Variants in FAM227A observed in about 807,000 individuals in gnomAD.
FAM227A encodes the protein protein FAM227A.
In FAM227A, 80 loss-of-function variants were observed where a neutral mutation model predicts 74.7. The observed-to-expected ratio is 1.07, with a 90% CI of 0.89 to 1.29. The LOEUF is 1.29. Among genes scored for constraint, FAM227A ranks in the 50% most tolerant of loss-of-function variants. FAM227A has a pLI of 0.00. For synonymous variants in FAM227A, 237 were observed against 241.8 expected (o/e 0.98, Z 0.19); for missense variants, 654 against 683.4 (o/e 0.96, Z 0.48).
intron 11 of FAM227A, among the ~76,000 whole-genome samples, chr22:38,617,679 A>C (rs1439096795): frequency 6.6e-6 from 1 of 152,132 alleles, no homozygotes; most frequent in Non-Finnish European, 1.5e-5. Flanking sequence ...CAGGTACTAG[A>C]AGTGGGAATG....
chr22:38,595,997 G>A (rs1291308400), intron 15 of FAM227A, among the ~76,000 whole-genome samples: 1 of 151,096 alleles, frequency 6.6e-6, no homozygotes, highest in Non-Finnish European at 1.5e-5. Context: ...TACTGTTATA[G>A]ATTCAAAGAC....
intron 1 of FAM227A, among the ~76,000 whole-genome samples, chr22:38,650,893 G>A (rs1380207772): frequency 6.6e-6 from 1 of 152,132 alleles, no homozygotes; most frequent in Non-Finnish European, 1.5e-5. Flanking sequence ...TAGTGTGATA[G>A]GCCTCGTTAT....
intron 3 of FAM227A, among the ~76,000 whole-genome samples, chr22:38,645,261 C>T (rs752336497): frequency 2.0e-5 from 3 of 151,340 alleles, no homozygotes; most frequent in Admixed American, 1.3e-4. Flanking sequence ...CATGGTGGCA[C>T]GCACCTGTAG....
chr22:38,590,932 G>C (rs376192957), intron 16 of FAM227A, among the ~76,000 whole-genome samples: 2 of 151,966 alleles, frequency 1.3e-5, no homozygotes, highest in East Asian at 3.9e-4. Flanking sequence ...TTACAGGCAC[G>C]TACTGCCATG....
In FAM227A at chr22:38,597,140, T is replaced by A; in HGVS notation, c.1532+64A>T. On this transcript the variant is annotated intron_variant, in intron 15 of 16. Coordinates refer to ENST00000535113, the MANE Select transcript of FAM227A (RefSeq NM_001013647.2). Reference sequence around the variant, plus strand: ...GCCCCACCAACCCATTTAAAAATGATGATGATCGTGTGCTGCAAAAGATAA... The same window carrying A: ...GCCCCACCAACCCATTTAAAAATGAAGATGATCGTGTGCTGCAAAAGATAA... The A allele has an allele frequency of 2.0e-6, 3 of 1,481,154 alleles. No individual in the cohort carries two copies. In the Admixed American group the frequency reaches 6.0e-5, roughly 29 times the overall value. The allele number at this position is 1,481,154 out of a possible 1,614,324, so 91.8% of individuals were successfully genotyped here. A position where few individuals can be genotyped will look rare whatever the true frequency, so the allele number is the denominator to read the frequency against.
At chr22:38,596,710 G>T (rs1435501829) in intron 15 of FAM227A, among the ~76,000 whole-genome samples, 2 of 151,796 alleles carry the variant, frequency 1.3e-5, no homozygotes, top group Non-Finnish European at 2.9e-5. Context: ...CTGATGGACA[G>T]TTCAGTGTAC....
Position 38,597,270 on chromosome 22 carries a change from T to C in FAM227A, c.1466A>G (p.Gln489Arg). Reference protein sequence around the residue: ...KRKDNLNQLYQHHWTEWNYFD... With the variant: ...KRKDNLNQLYRHHWTEWNYFD... ...ATAATTCCATTCAGTCCAATGATGC[T>C]GGTACAACTGATTGAGGTTGTCTTT... The change falls in exon 15 of 17, where the codon CAG (glutamine) becomes CGG (arginine). Residue 489 changes from glutamine to arginine, a missense_variant. Gln to Arg is a conservative substitution (Grantham distance 43). Coordinates refer to ENST00000535113, the MANE Select transcript of FAM227A (RefSeq NM_001013647.2). 6.4e-7 allele frequency: 1 copy of C among 1,552,158 alleles called. No homozygotes were observed. The highest frequency in any genetic ancestry group is 8.7e-7 in the Non-Finnish European group (1 of 1,147,054).
chr22:38,589,675 C>G (rs1421840502), intron 16 of FAM227A, among the ~76,000 whole-genome samples: 1 of 152,014 alleles, frequency 6.6e-6, no homozygotes, highest in African/African-American at 2.4e-5. Context: ...AGACAGTGAC[C>G]CACAAAGCCA....
chr22:38,591,345 T>C, intron 16 of FAM227A, 90 bp downstream of exon 16: 2 of 1,467,264 alleles, frequency 1.4e-6, no homozygotes, highest in Non-Finnish European at 1.8e-6. Flanking sequence ...TAAAATAAAA[T>C]AATTATTATT....
Position 38,631,607 on chromosome 22 carries a change from G to A in FAM227A, c.520-2672C>T, listed in dbSNP as rs551037578. Among the ~76,000 whole-genome samples, 14 of 152,272 alleles carry A rather than the reference G, an allele frequency of 9.2e-5. No homozygotes were observed. In the South Asian group the frequency reaches 1.5e-3, roughly 16 times the overall value. The stretch of plus-strand genomic sequence containing the variant: ...AGAGCTCCTCAGAGACGGGGAAAGC[G>A]TGTGCAGAGGCTATGGAAGCACTTG... On this transcript the variant is annotated intron_variant, in intron 6 of 16. Transcript: ENST00000535113.
intron 12 of FAM227A, among the ~76,000 whole-genome samples, chr22:38,606,801 A>G (rs930798758): frequency 1.3e-5 from 2 of 152,138 alleles, no homozygotes; most frequent in Non-Finnish European, 2.9e-5. Context: ...CATGTCTTAA[A>G]TTTATTTTCT....
Position 38,579,143 on chromosome 22 carries a change from CTGTCA to C in FAM227A, c.*6977_*6981del, listed in dbSNP as rs529157296. The C allele has an allele frequency of 5.4e-4, 82 of 152,298 alleles. No individual in the cohort carries two copies. The highest frequency in any genetic ancestry group is 1.9e-3 in the African/African-American group (79 of 41,550). The allele number at this position is 152,298 out of a possible 1,614,324, so 9.4% of individuals were successfully genotyped here. A position where few individuals can be genotyped will look rare whatever the true frequency, so the allele number is the denominator to read the frequency against. On this transcript the variant is annotated 3_prime_UTR_variant, in exon 17 of 17. Transcript: ENST00000535113. ...ATATTCATATCTTGACTTTATTTTC[CTGTCA>C]TAAGTACACATAGGAGCAGCAACTA...
chr22:38,591,498 CT>C lies in FAM227A; in HGVS notation c.1574del (p.Lys525ArgfsTer74). The C allele has an allele frequency of 1.3e-6, 2 of 1,548,718 alleles. No individual in the cohort carries two copies. Among genetic ancestry groups the C allele is most frequent in the Non-Finnish European group, 1.7e-6 (2 of 1,146,036 alleles). On this transcript the variant is annotated frameshift_variant, in exon 16 of 17. Transcript: ENST00000535113. LOFTEE classifies it high-confidence loss of function. ...AAGGTGGGATGAACATGTGGTTTGC[CT>C]TTTTTGTATCTGCTGCTTTTGGATC... ...NIDPKAADTK[K>X]ANHMFIPPSA...
At chr22:38,590,729 T>C (rs2090914595) in intron 16 of FAM227A, among the ~76,000 whole-genome samples, 1 of 152,216 alleles carries the variant, frequency 6.6e-6, no homozygotes, top group Non-Finnish European at 1.5e-5. Context: ...TAGCCCTTAC[T>C]ACTACCAATA....
intron 11 of FAM227A, among the ~76,000 whole-genome samples, chr22:38,611,021 T>C (rs1039796176): frequency 6.6e-6 from 1 of 152,042 alleles, no homozygotes; most frequent in East Asian, 1.9e-4. Context: ...GATTGTGCCA[T>C]TGCACTCCAG....
intron 3 of FAM227A, among the ~76,000 whole-genome samples, chr22:38,642,527 C>T (rs759955515): frequency 3.9e-5 from 6 of 152,164 alleles, no homozygotes; most frequent in East Asian, 1.9e-4. Flanking sequence ...AGTTAGATTT[C>T]GTTAAAATTA....
intron 1 of FAM227A, among the ~76,000 whole-genome samples, chr22:38,650,616 G>A (rs2092309333): frequency 1.3e-5 from 2 of 152,196 alleles, no homozygotes; most frequent in African/African-American, 4.8e-5. Context: ...TTGCTTCTCT[G>A]AGTCCCAACT....
chr22:38,643,615 T>C (rs187588740), intron 3 of FAM227A, among the ~76,000 whole-genome samples: 4 of 151,938 alleles, frequency 2.6e-5, no homozygotes, highest in African/African-American at 9.7e-5. Flanking sequence ...AAAACTAAAC[T>C]CTCACCATAG....
intron 13 of FAM227A, among the ~76,000 whole-genome samples, chr22:38,604,134 C>T (rs999179111): frequency 6.6e-6 from 1 of 152,098 alleles, no homozygotes. Flanking sequence ...CGAGACCAGC[C>T]TGGCCAACAT....
Sources: allele counts gnomAD v4.1 joint callset (sites outside exome capture counted in the v4.1 genomes callset), GRCh38; gene constraint gnomAD v4.1.1; transcripts MANE v1.5; gene names NCBI Gene and HGNC (gene_info 2026-07-23, HGNC 2026-07-21).